THRAP3: variants seen among roughly 807,000 people sequenced by gnomAD.
THRAP3 encodes thyroid hormone receptor-associated protein 3.
Under a neutral mutation model 101.0 loss-of-function variants are expected in THRAP3, and 16 were observed. That is an observed-to-expected ratio of 0.16 (90% CI 0.11 to 0.24). The LOEUF (loss-of-function observed/expected upper bound fraction) is 0.24, where lower values mean the gene tolerates loss of function less well. Ranked by LOEUF, THRAP3 falls within the 10% of genes least tolerant of loss-of-function variation. The probability of loss-of-function intolerance (pLI) is 1.00; values close to 1 mark genes in which losing one functional copy is unlikely to be tolerated. For synonymous variants in THRAP3, 407 were observed against 422.6 expected (o/e 0.96, Z 0.45); for missense variants, 989 against 1,202.7 (o/e 0.82, Z 2.63).
At chr1:36,230,950 C>T (rs1433723038) in intron 1 of THRAP3, among the ~76,000 whole-genome samples, 1 of 152,152 alleles carries the variant, frequency 6.6e-6, no homozygotes, top group African/African-American at 2.4e-5. Context: ...ATAGTTGGGG[C>T]ATGTCATTTC....
chr1:36,294,269 A>G (rs1168005285), intron 8 of THRAP3: 1 of 1,040,704 alleles, frequency 9.6e-7, no homozygotes, highest in Non-Finnish European at 1.2e-6. Context: ...AACTGTATAC[A>G]TGCACTATTT....
intron 2 of THRAP3, among the ~76,000 whole-genome samples, chr1:36,274,166 TAAC>T (rs957647687): frequency 6.6e-6 from 1 of 151,918 alleles, no homozygotes; most frequent in African/African-American, 2.4e-5. Context: ...ATGAAATTGT[TAAC>T]AAGTGAAAAT....
chr1:36,215,394 A>C, the THRAP3 span, among the ~76,000 whole-genome samples: 1 of 152,114 alleles, frequency 6.6e-6, no homozygotes, highest in Non-Finnish European at 1.5e-5. Context: ...CAGACCTAAC[A>C]ACATTTAGGA....
rs758097583 is a variant in THRAP3 at position 36,289,263 on chromosome 1, G to T, written c.1244G>T (p.Arg415Leu). The change falls in exon 5 of 12, where the codon CGA becomes CTA. Residue 415 changes from arginine to leucine, a missense_variant. By Grantham distance (102) the Arg-to-Leu change is moderately radical. Coordinates refer to ENST00000354618, the MANE Select transcript of THRAP3 (RefSeq NM_005119.4). ...GSQSPKRYKLRDDFEKKMADF... is the reference protein window; with the variant it reads ...GSQSPKRYKLLDDFEKKMADF... The stretch of plus-strand genomic sequence containing the variant: ...CAGTCTCCCAAAAGGTATAAGCTCC[G>T]AGATGACTTTGAGAAGAAGATGGCT... 6.2e-7 allele frequency: 1 copy of T among 1,614,086 alleles called. No homozygotes were observed. The highest frequency in any genetic ancestry group is 1.1e-5 in the South Asian group (1 of 91,078).
At chr1:36,294,481 A>G (rs1449257906) in intron 8 of THRAP3, among the ~76,000 whole-genome samples, 1 of 152,192 alleles carries the variant, frequency 6.6e-6, no homozygotes, top group Non-Finnish European at 1.5e-5. Context: ...GCACGTAAAC[A>G]CTGTTAAGAG....
At chr1:36,247,291 TGGGCGACAGAGCGAGACTC>T (rs1645242907) in intron 1 of THRAP3, among the ~76,000 whole-genome samples, 1 of 151,358 alleles carries the variant, frequency 6.6e-6, no homozygotes, top group Non-Finnish European at 1.5e-5. Context: ...CACTCCAGCC[TGGGCGACAGAGCGAGACTC>T]CGTCTCAAAA....
intron 1 of THRAP3, among the ~76,000 whole-genome samples, chr1:36,232,870 G>A (rs982719629): frequency 1.1e-4 from 15 of 132,172 alleles, no homozygotes; most frequent in Admixed American, 8.5e-4. Context: ...AAAACTCATC[G>A]AACTGTATCT....
intron 2 of THRAP3, among the ~76,000 whole-genome samples, chr1:36,270,579 T>C (rs1460816461): frequency 7.3e-6 from 1 of 136,082 alleles, no homozygotes; most frequent in Non-Finnish European, 1.5e-5. Flanking sequence ...AGGTTTTTGT[T>C]TTTTTTTTTT....
chr1:36,239,472 G>A (rs908356243), intron 1 of THRAP3, among the ~76,000 whole-genome samples: 1 of 152,042 alleles, frequency 6.6e-6, no homozygotes, highest in Non-Finnish European at 1.5e-5. Flanking sequence ...TCACCATGTT[G>A]CCCAGATTGG....
the THRAP3 span, among the ~76,000 whole-genome samples, chr1:36,209,650 T>C: frequency 4.6e-5 from 7 of 152,114 alleles, no homozygotes; most frequent in African/African-American, 9.7e-5. Context: ...AGGAGATAGA[T>C]CAGTGAGGTC....
intron 2 of THRAP3, among the ~76,000 whole-genome samples, chr1:36,280,369 A>C (rs1055817518): frequency 6.6e-6 from 1 of 152,216 alleles, no homozygotes; most frequent in African/African-American, 2.4e-5. Flanking sequence ...AATTAAAGAC[A>C]GAATAACAAG....
At chr1:36,216,663 G>A in the THRAP3 span, among the ~76,000 whole-genome samples, 1 of 151,940 alleles carries the variant, frequency 6.6e-6, no homozygotes, top group Admixed American at 6.6e-5. Flanking sequence ...GTGCATGCCT[G>A]TGGTCCCAGC....
At chr1:36,209,407 C>T in the THRAP3 span, among the ~76,000 whole-genome samples, 5 of 152,148 alleles carry the variant, frequency 3.3e-5, no homozygotes, top group African/African-American at 4.8e-5. Flanking sequence ...ATTTGTCTTG[C>T]GCATTGTAGG....
At chr1:36,281,877 C>T (rs990208844) in intron 2 of THRAP3, among the ~76,000 whole-genome samples, 2 of 151,924 alleles carry the variant, frequency 1.3e-5, no homozygotes, top group African/African-American at 4.8e-5. Context: ...TCGAGACCAG[C>T]CTTACCAACA....
the THRAP3 span, among the ~76,000 whole-genome samples, chr1:36,208,730 G>A: frequency 6.6e-6 from 1 of 151,816 alleles, no homozygotes. Context: ...GCAGTGGCAC[G>A]ATCTCGCCTC....
intron 1 of THRAP3, among the ~76,000 whole-genome samples, chr1:36,243,612 C>T (rs1338135093): frequency 2.6e-5 from 4 of 152,228 alleles, no homozygotes; most frequent in Non-Finnish European, 4.4e-5. Flanking sequence ...TACACAGACA[C>T]GGCAACCATC....
At chr1:36,246,581 A>C (rs113447248) in intron 1 of THRAP3, among the ~76,000 whole-genome samples, 10 of 151,426 alleles carry the variant, frequency 6.6e-5, no homozygotes, top group Admixed American at 1.3e-4. Flanking sequence ...GGTGGCTCAC[A>C]CCTGTAATCC....
chr1:36,209,310 T>A, the THRAP3 span, among the ~76,000 whole-genome samples: 1 of 152,176 alleles, frequency 6.6e-6, no homozygotes, highest in Admixed American at 6.6e-5. Context: ...TTAGTGTTAC[T>A]GAACTTTTCC....
rs1209126014 is a variant in THRAP3, at chr1:36,292,256, CTTTGTTTCTTTTTTTTTTT to C, written c.1919-338_1919-320del. Among the ~76,000 whole-genome samples the C allele has an allele frequency of 1.1e-3, 61 of 54,562 alleles. 2 individuals carry two copies. Among genetic ancestry groups the C allele is most frequent in the Admixed American group, 3.7e-3 (10 of 2,726 alleles). The allele number at this position is 54,562 out of a possible 152,430, so 35.8% of individuals were successfully genotyped here. A position where few individuals can be genotyped will look rare whatever the true frequency, so the allele number is the denominator to read the frequency against. ...CTGCCTTTGGTAACATAATGTGTTTCTTTGTTTCTTTTTTTTTTTTTTTTTTTTTTTTTGAGACGGAGTC... is the reference window on the plus strand; with the variant it reads ...CTGCCTTTGGTAACATAATGTGTTTCTTTTTTTTTTTTTTGAGACGGAGTC... On this transcript the variant is annotated intron_variant, in intron 6 of 11. Coordinates refer to ENST00000354618, the MANE Select transcript of THRAP3 (RefSeq NM_005119.4).
Sources: gnomAD v4.1 joint callset for allele counts (sites outside exome capture counted in the v4.1 genomes callset) on GRCh38, gnomAD v4.1.1 for gene constraint, MANE v1.5 for transcripts, NCBI Gene and HGNC (gene_info 2026-07-23, HGNC 2026-07-21) for gene names.